The following XYLT1 variants were observed in gnomAD, a reference collection of about 807,000 sequenced individuals.
The protein encoded by XYLT1 is beta-D-xylosyltransferase 1.
In XYLT1, 36 loss-of-function variants were observed where a neutral mutation model predicts 91.3. That is an observed-to-expected ratio of 0.39 (90% CI 0.30 to 0.52). The LOEUF (loss-of-function observed/expected upper bound fraction) is 0.52. Ranked by LOEUF, XYLT1 falls within the 20% of genes least tolerant of loss-of-function variation. XYLT1 has a pLI of 0.68. For synonymous variants in XYLT1, 588 were observed against 532.0 expected (o/e 1.11, Z -1.45); for missense variants, 1,242 against 1,284.5 (o/e 0.97, Z 0.51).
intron 2 of XYLT1, among the ~76,000 whole-genome samples, chr16:17,265,376 G>A (rs772109609): frequency 6.6e-6 from 1 of 152,126 alleles, no homozygotes; most frequent in Non-Finnish European, 1.5e-5. Flanking sequence ...TTATTATTTC[G>A]CAATTGTGAT....
chr16:17,300,149 A>T (rs1332779070), intron 2 of XYLT1, among the ~76,000 whole-genome samples: 1 of 152,200 alleles, frequency 6.6e-6, no homozygotes, highest in East Asian at 1.9e-4. Context: ...TGTTAAGAAC[A>T]TGGTGAAAAC....
rs536407634 is a variant in XYLT1, at chr16:17,466,407, T to C, written c.363+4027A>G. Among the ~76,000 whole-genome samples the C allele has an allele frequency of 9.3e-4, 142 of 152,278 alleles. 1 individual carries two copies. Among genetic ancestry groups the C allele is most frequent in the Non-Finnish European group, 1.0e-3 (71 of 68,020 alleles). On this transcript the variant is annotated intron_variant, in intron 1 of 11. Coordinates refer to ENST00000261381, the MANE Select transcript of XYLT1 (RefSeq NM_022166.4). ...GGGGCAGACTCTTATGTCAGAGATA[T>C]GCCTAAGGATATCTTTGCTTTCTGA...
At chr16:17,396,264 TAC>T (rs1177527840) in intron 1 of XYLT1, among the ~76,000 whole-genome samples, 7 of 152,134 alleles carry the variant, frequency 4.6e-5, no homozygotes, top group African/African-American at 1.7e-4. Flanking sequence ...ATCAAGGAAA[TAC>T]AGAGATGACG....
chr16:17,259,266 C>A lies in XYLT1; in HGVS notation c.635G>T (p.Gly212Val), dbSNP rs778344946. 6.2e-7 allele frequency: 1 copy of A among 1,614,026 alleles called. No homozygotes were observed. Among genetic ancestry groups the A allele is most frequent in the African/African-American group, 1.3e-5 (1 of 74,912 alleles). Residue 212 changes from glycine to valine, a missense_variant, in exon 3 of 12, where the codon GGC (glycine) becomes GTC (valine). By Grantham distance (109) the Gly-to-Val change is moderately radical. Transcript: ENST00000261381. ...KGKGHTFPGK[G>V]PGEVLPPGDR... ...CCCGGGAGGCAGCACCTCACCGGGG[C>A]CTTTCCCAGGGAATGTATGTCCTTT... is the stretch of plus-strand genomic sequence containing the variant.
chr16:17,121,548 G>A (rs750777277), intron 10 of XYLT1, among the ~76,000 whole-genome samples: 11 of 152,202 alleles, frequency 7.2e-5, no homozygotes, highest in South Asian at 2.1e-4. Context: ...TTTCCATTGC[G>A]TTTATTTATT....
At chr16:17,253,876 G>A (rs1268683601) in intron 3 of XYLT1, among the ~76,000 whole-genome samples, 1 of 151,472 alleles carries the variant, frequency 6.6e-6, no homozygotes, top group Non-Finnish European at 1.5e-5. Context: ...GCCTGCAGGT[G>A]GAAGAACACC....
chr16:17,121,010 TGTTA>T (rs1178154873), intron 10 of XYLT1, among the ~76,000 whole-genome samples: 2 of 152,230 alleles, frequency 1.3e-5, no homozygotes, highest in Admixed American at 6.5e-5. Flanking sequence ...TCTGTCTGTC[TGTTA>T]ATCAATCTAT....
chr16:17,219,327 T>G (rs139447690), intron 3 of XYLT1, among the ~76,000 whole-genome samples: 282 of 142,140 alleles, frequency 2.0e-3, no homozygotes, highest in African/African-American at 6.9e-3. Flanking sequence ...AGAGAAATAA[T>G]TATCAAATGC....
chr16:17,222,789 C>CAAAAAAAAA (rs11358476), intron 3 of XYLT1, among the ~76,000 whole-genome samples: 1 of 71,210 alleles, frequency 1.4e-5, no homozygotes. Flanking sequence ...AACTCTGTCT[C>CAAAAAAAAA]AAAAAAAAAA....
At chr16:17,209,703 A>T (rs2032723221) in intron 3 of XYLT1, among the ~76,000 whole-genome samples, 1 of 152,142 alleles carries the variant, frequency 6.6e-6, no homozygotes, top group African/African-American at 2.4e-5. Context: ...AAGAGAACTC[A>T]CCTCTAAGTG....
chr16:17,138,153 G>GAGTC, intron 8 of XYLT1: 1 of 422,568 alleles, frequency 2.4e-6, no homozygotes, highest in East Asian at 2.9e-5. Flanking sequence ...TTGGGTTAAT[G>GAGTC]AGTCAATGTG....
rs146535788 is a variant in XYLT1, at chr16:17,218,129, G to A, written c.914-17475C>T. 3.1e-3 allele frequency among the ~76,000 whole-genome samples: 475 copies of A among 151,932 alleles called. 2 individuals carry two copies. The highest frequency in any genetic ancestry group is 0.011 in the African/African-American group (438 of 41,440). ...AAAAATTAGCCAGGCATGGTGGTGC[G>A]CGCCTGTAGTTTCAGCTACTCGGGA... On this transcript the variant is annotated intron_variant, in intron 3 of 11. Coordinates refer to ENST00000261381, the MANE Select transcript of XYLT1 (RefSeq NM_022166.4).
chr16:17,454,848 G>C (rs2036715680), intron 1 of XYLT1, among the ~76,000 whole-genome samples: 1 of 145,164 alleles, frequency 6.9e-6, no homozygotes, highest in Non-Finnish European at 1.5e-5. Context: ...TCAATTTGTG[G>C]ACACAAATTT....
At chr16:17,318,698 C>T (rs1225879472) in intron 2 of XYLT1, among the ~76,000 whole-genome samples, 4 of 151,698 alleles carry the variant, frequency 2.6e-5, no homozygotes, top group South Asian at 2.1e-4. Context: ...ACACTCAAGA[C>T]GATGCAGAGA....
intron 2 of XYLT1, among the ~76,000 whole-genome samples, chr16:17,336,024 G>A (rs1567380141): frequency 1.3e-5 from 2 of 152,192 alleles, no homozygotes; most frequent in Non-Finnish European, 2.9e-5. Context: ...TGAGACCTAC[G>A]CTTTGCCTGG....
intron 2 of XYLT1, among the ~76,000 whole-genome samples, chr16:17,265,473 AT>A (rs1277211845): frequency 1.3e-5 from 2 of 152,174 alleles, no homozygotes; most frequent in Non-Finnish European, 2.9e-5. Context: ...GACTTACTTT[AT>A]TTTAATGTAC....
At chr16:17,293,983 G>C (rs2034271759) in intron 2 of XYLT1, among the ~76,000 whole-genome samples, 1 of 152,156 alleles carries the variant, frequency 6.6e-6, no homozygotes, top group African/African-American at 2.4e-5. Context: ...CCAGATCCCA[G>C]CTCCATGGCT....
chr16:17,300,932 T>A (rs2034386407), intron 2 of XYLT1, among the ~76,000 whole-genome samples: 1 of 152,084 alleles, frequency 6.6e-6, no homozygotes, highest in South Asian at 2.1e-4. Flanking sequence ...ACAATTCAGA[T>A]CCTTTCTCAT....
rs146646227 is a variant in XYLT1, at chr16:17,419,088, G to C, written c.363+51346C>G. On this transcript the variant is annotated intron_variant, in intron 1 of 11. Coordinates refer to ENST00000261381, the MANE Select transcript of XYLT1 (RefSeq NM_022166.4). ...CTTTCAATTTAGCAGTAAGCACGCA[G>C]TATAGGGAAAAGTTAATCCACGGAC... Among the ~76,000 whole-genome samples the C allele has an allele frequency of 8.0e-4, 122 of 152,170 alleles. 1 individual carries two copies. In the South Asian group the frequency reaches 0.015, roughly 19 times the overall value.
Sources: gnomAD v4.1 joint callset for allele counts (sites outside exome capture counted in the v4.1 genomes callset) on GRCh38, gnomAD v4.1.1 for gene constraint, MANE v1.5 for transcripts, NCBI Gene and HGNC (gene_info 2026-07-23, HGNC 2026-07-21) for gene names.